CMTM6: variants seen among roughly 807,000 people sequenced by gnomAD.
CMTM6 encodes the protein CKLF-like MARVEL transmembrane domain-containing protein 6.
In CMTM6, 5 loss-of-function variants were observed where a neutral mutation model predicts 13.6. The observed-to-expected ratio is 0.37, with a 90% confidence interval of 0.19 to 0.77. CMTM6 has a LOEUF of 0.77. CMTM6 is among the 30% of genes least tolerant of loss of function. The pLI is 0.50. For missense variants in CMTM6, 196 were observed against 218.6 expected, an observed-to-expected ratio of 0.90 and a Z score of 0.65; for synonymous variants, 99 against 84.5, an observed-to-expected ratio of 1.17 and a Z score of -0.94.
intron 1 of CMTM6, among the ~76,000 whole-genome samples, chr3:32,494,181 G>A (rs1403266319): frequency 6.6e-6 from 1 of 152,166 alleles, no homozygotes; most frequent in East Asian, 1.9e-4. Context: ...GAAATAGAAG[G>A]GAAGAGAGTG....
intron 1 of CMTM6, among the ~76,000 whole-genome samples, chr3:32,501,997 A>C (rs546754149): frequency 1.3e-5 from 2 of 152,274 alleles, no homozygotes; most frequent in Non-Finnish European, 2.9e-5. Context: ...CTATCCGCAC[A>C]TACTTACAAA....
chr3:32,502,649 G>T lies in CMTM6; in HGVS notation c.97C>A (p.Arg33=), dbSNP rs970593113. 9 of 1,595,292 alleles carry T rather than the reference G, an allele frequency of 5.6e-6. No homozygotes were observed. Among genetic ancestry groups the T allele is most frequent in the Non-Finnish European group, 7.7e-6 (9 of 1,172,698 alleles). Residue 33 remains arginine, a synonymous_variant, in exon 1 of 4, where the codon CGG becomes AGG. Coordinates refer to ENST00000205636, the MANE Select transcript of CMTM6 (RefSeq NM_017801.3). The part of the protein sequence containing the change: ...SGLAAYFFMG[R]LPLLRRVLKG... ...AGAACGCGCCGGAGCAATGGGAGCC[G>T]GCCCATGAAAAAGTAGGCAGCGAGG...
At chr3:32,488,110 C>T in intron 2 of CMTM6, 74 bp from the exon 3 acceptor site, 1 of 1,045,458 alleles carries the variant, frequency 9.6e-7, no homozygotes, top group Non-Finnish European at 1.4e-6. Flanking sequence ...TCATTTTTAA[C>T]TTTAAAAAGC....
intron 1 of CMTM6, among the ~76,000 whole-genome samples, chr3:32,498,335 C>T (rs1395613022): frequency 6.6e-6 from 1 of 152,194 alleles, no homozygotes; most frequent in Non-Finnish European, 1.5e-5. Context: ...CCTCTCTCCC[C>T]ATGAAATACT....
Position 32,489,137 on chromosome 3 carries a change from G to A in CMTM6, c.316-1101C>T, listed in dbSNP as rs569908843. On this transcript the variant is annotated intron_variant, in intron 2 of 3. Coordinates refer to ENST00000205636, the MANE Select transcript of CMTM6 (RefSeq NM_017801.3). The stretch of plus-strand genomic sequence containing the variant: ...CAAAAAAAATTAGCTGGGCGTGGTG[G>A]TGGGTGCCTGTAGTCCCAGCTATTC... Among the ~76,000 whole-genome samples, 40 of 151,886 alleles carry A rather than the reference G, an allele frequency of 2.6e-4. No individual in the cohort carries two copies. In the South Asian group the frequency reaches 5.2e-3, roughly 20 times the overall value.
intron 1 of CMTM6, among the ~76,000 whole-genome samples, chr3:32,499,715 G>C (rs569632961): frequency 6.6e-6 from 1 of 152,124 alleles, no homozygotes; most frequent in Non-Finnish European, 1.5e-5. Context: ...GTAGTTGGGG[G>C]ATGCTTAGGG....
chr3:32,491,958 G>T, intron 1 of CMTM6, 72 bp from the exon 2 acceptor site: 2 of 1,228,598 alleles, frequency 1.6e-6, no homozygotes, highest in Non-Finnish European at 2.2e-6. Context: ...AGCTGTTTCT[G>T]AATAATACGT....
chr3:32,490,402 A>C (rs982551507), intron 2 of CMTM6, among the ~76,000 whole-genome samples: 3 of 152,236 alleles, frequency 2.0e-5, no homozygotes, highest in Non-Finnish European at 1.5e-5. Flanking sequence ...CCCTGCAAAC[A>C]AACATGAAAT....
At chr3:32,501,152 T>C (rs1455187980) in intron 1 of CMTM6, among the ~76,000 whole-genome samples, 1 of 139,758 alleles carries the variant, frequency 7.2e-6, no homozygotes, top group Non-Finnish European at 1.5e-5. Context: ...ATTGCGCCAC[T>C]GCCCCCAGCC....
At chr3:32,493,075 T>C (rs371266504) in intron 1 of CMTM6, among the ~76,000 whole-genome samples, 2 of 152,234 alleles carry the variant, frequency 1.3e-5, no homozygotes, top group East Asian at 1.9e-4. Flanking sequence ...TTCCAAAGCA[T>C]TCAATTTAGT....
rs1167607017 is a variant in CMTM6 at position 32,491,725 on chromosome 3, T to C, written c.300A>G (p.Thr100=). 1 of 1,593,692 alleles carries C rather than the reference T, an allele frequency of 6.3e-7. No individual in the cohort carries two copies. The highest frequency in any genetic ancestry group is 1.1e-5 in the South Asian group (1 of 87,892). ...CTPFYERVDT[T]KVKSSDFYIT... ...TCATGCTTACCGATGATTTTACTTT[T>C]GTGGTATCAACTCTCTCATAAAATG... is the stretch of plus-strand genomic sequence containing the variant. The change falls in exon 2 of 4, where the codon ACA becomes ACG. Residue 100 remains threonine, a synonymous_variant. Coordinates refer to ENST00000205636, the MANE Select transcript of CMTM6 (RefSeq NM_017801.3).
intron 2 of CMTM6, among the ~76,000 whole-genome samples, chr3:32,489,347 T>C (rs1697231711): frequency 6.6e-6 from 1 of 151,308 alleles, no homozygotes; most frequent in Non-Finnish European, 1.5e-5. Flanking sequence ...TTAACATTTA[T>C]ATAAAATGTA....
Position 32,502,791 on chromosome 3 carries a change from A to G in CMTM6, c.-46T>C. 3 of 1,388,884 alleles carry G rather than the reference A, an allele frequency of 2.2e-6. No homozygotes were observed. Among genetic ancestry groups the G allele is most frequent in the Non-Finnish European group, 2.8e-6 (3 of 1,071,672 alleles). The allele number at this position is 1,388,884 out of a possible 1,614,324, so 86.0% of individuals were successfully genotyped here. ...GGCGGCCGCAGCAACCGCGCCGTTG[A>G]CTTCTCGGACTCCAGAAGTCCCCGG... On this transcript the variant is annotated 5_prime_UTR_variant, in exon 1 of 4. Transcript: ENST00000205636.
chr3:32,493,520 A>C (rs540579846), intron 1 of CMTM6, among the ~76,000 whole-genome samples: 2 of 152,282 alleles, frequency 1.3e-5, no homozygotes, highest in South Asian at 4.1e-4. Flanking sequence ...ATGTAGTTGG[A>C]AAGCAAATGA....
chr3:32,502,486 G>C, intron 1 of CMTM6, 122 bp downstream of exon 1: 2 of 1,253,590 alleles, frequency 1.6e-6, no homozygotes, highest in East Asian at 5.6e-5. Flanking sequence ...GAAGGAACTA[G>C]AGGTGTGGAA....
At chr3:32,493,418 T>C (rs1697265653) in intron 1 of CMTM6, among the ~76,000 whole-genome samples, 1 of 152,252 alleles carries the variant, frequency 6.6e-6, no homozygotes. Context: ...GTCAGGTTTT[T>C]TTCTTTTTAA....
intron 1 of CMTM6, among the ~76,000 whole-genome samples, chr3:32,499,449 G>A (rs1021275153): frequency 1.3e-5 from 2 of 152,170 alleles, no homozygotes; most frequent in Non-Finnish European, 2.9e-5. Flanking sequence ...TGGATACAAT[G>A]TGGAGCTTGT....
chr3:32,489,112 CA>C (rs902399661), intron 2 of CMTM6, among the ~76,000 whole-genome samples: 3 of 150,256 alleles, frequency 2.0e-5, no homozygotes, highest in African/African-American at 4.9e-5. Flanking sequence ...ACTAAAAATA[CA>C]AAAAAAATTA....
rs1559423958 is a variant in CMTM6 at position 32,487,918 on chromosome 3, T to A, written c.414+20A>T. On this transcript the variant is annotated intron_variant, in intron 3 of 3. Transcript: ENST00000205636. ...CTAAGGAAACAAAAATAAGCAATGT[T>A]AAAAATACAAGGTACTTACAATTGC... 1.9e-6 allele frequency: 3 copies of A among 1,564,386 alleles called. No individual in the cohort carries two copies. Among genetic ancestry groups the A allele is most frequent in the African/African-American group, 1.4e-5 (1 of 73,782 alleles).
Sources: gnomAD v4.1 joint callset for allele counts (sites outside exome capture counted in the v4.1 genomes callset) on GRCh38, gnomAD v4.1.1 for gene constraint, MANE v1.5 for transcripts, NCBI Gene and HGNC (gene_info 2026-07-23, HGNC 2026-07-21) for gene names.